QRFPR: variants seen among roughly 807,000 people sequenced by gnomAD.
QRFPR encodes pyroglutamylated RF-amide peptide receptor.
A neutral mutation model predicts 31.3 loss-of-function variants in QRFPR; 37 were observed. The observed-to-expected ratio is 1.18, with a 90% confidence interval of 0.91 to 1.56. The LOEUF (loss-of-function observed/expected upper bound fraction) is 1.56, where lower values mean the gene tolerates loss of function less well. Among genes scored for constraint, QRFPR ranks in the 40% most tolerant of loss-of-function variants. QRFPR has a pLI of 0.00. For synonymous variants in QRFPR, 197 were observed against 192.0 expected, an observed-to-expected ratio of 1.03 and a Z score of -0.22; for missense variants, 542 against 532.5, an observed-to-expected ratio of 1.02 and a Z score of -0.18.
At chr4:121,354,259 T>C (rs904860594) in intron 1 of QRFPR, among the ~76,000 whole-genome samples, 2 of 152,078 alleles carry the variant, frequency 1.3e-5, no homozygotes, top group African/African-American at 4.8e-5. Context: ...GCCATTGATA[T>C]TGTGAGAAGG....
rs58311512 is a variant in QRFPR, at chr4:121,340,108, C to CAAAAAA, written c.499+338_499+343dup. 319 of 131,722 alleles carry CAAAAAA rather than the reference C, an allele frequency of 2.4e-3. 8 individuals are homozygous for CAAAAAA. The highest frequency in any genetic ancestry group is 2.8e-3 in the Non-Finnish European group (205 of 73,790). The allele number at this position is 131,722 out of a possible 1,614,324, so 8.2% of individuals were successfully genotyped here. ...GGGCAATGTAGTTGACACTCTGTCTCAAAAAAAAAAAAAAAAAAAAAAAAG... is the reference window on the plus strand; with the variant it reads ...GGGCAATGTAGTTGACACTCTGTCTCAAAAAAAAAAAAAAAAAAAAAAAAAAAAAAG... On this transcript the variant is annotated intron_variant, in intron 2 of 5. Transcript: ENST00000394427.
At chr4:121,339,932 G>A (rs892653516) in intron 2 of QRFPR, among the ~76,000 whole-genome samples, 1 of 151,744 alleles carries the variant, frequency 6.6e-6, no homozygotes, top group African/African-American at 2.4e-5. Context: ...TCCAGCCTGG[G>A]CTACAGAATG....
chr4:121,359,219 T>C (rs761044813), intron 1 of QRFPR, among the ~76,000 whole-genome samples: 9 of 152,180 alleles, frequency 5.9e-5, no homozygotes, highest in Non-Finnish European at 1.3e-4. Context: ...TCTCTACCTA[T>C]ACATATGTTT....
chr4:121,349,435 G>A (rs1236325646), intron 1 of QRFPR, among the ~76,000 whole-genome samples: 1 of 152,098 alleles, frequency 6.6e-6, no homozygotes, highest in Non-Finnish European at 1.5e-5. Context: ...CCACATTATG[G>A]AGATGTTCTT....
At chr4:121,337,173 A>G (rs1239710643) in intron 2 of QRFPR, among the ~76,000 whole-genome samples, 1 of 151,778 alleles carries the variant, frequency 6.6e-6, no homozygotes. Flanking sequence ...CTCCTCTTTC[A>G]TTTCTGTCCA....
At chr4:121,357,556 C>T (rs1472685744) in intron 1 of QRFPR, among the ~76,000 whole-genome samples, 1 of 152,162 alleles carries the variant, frequency 6.6e-6, no homozygotes, top group African/African-American at 2.4e-5. Flanking sequence ...ACTCCCTTCC[C>T]CTACACTGGG....
intron 1 of QRFPR, among the ~76,000 whole-genome samples, chr4:121,344,371 C>A (rs960486093): frequency 6.6e-6 from 1 of 152,188 alleles, no homozygotes; most frequent in Non-Finnish European, 1.5e-5. Flanking sequence ...TGTTTAATAA[C>A]CCACCTGTGA....
chr4:121,365,297 C>CA (rs1216590425), intron 1 of QRFPR, among the ~76,000 whole-genome samples: 1 of 141,580 alleles, frequency 7.1e-6, no homozygotes, highest in African/African-American at 2.7e-5. Context: ...GCTAAAAATA[C>CA]AAAAAAATTG....
chr4:121,367,144 G>A (rs1396387436), intron 1 of QRFPR, among the ~76,000 whole-genome samples: 1 of 150,004 alleles, frequency 6.7e-6, no homozygotes, highest in Admixed American at 6.6e-5. Context: ...GGGATAGGGA[G>A]TCAGGCACAC....
At chr4:121,369,060 A>G (rs995168022) in intron 1 of QRFPR, among the ~76,000 whole-genome samples, 18 of 152,090 alleles carry the variant, frequency 1.2e-4, no homozygotes, top group African/African-American at 4.3e-4. Flanking sequence ...ACGGAGTCTC[A>G]CTCTGTCGCC....
intron 1 of QRFPR, among the ~76,000 whole-genome samples, chr4:121,377,529 C>A (rs1339809630): frequency 6.6e-6 from 1 of 151,836 alleles, no homozygotes; most frequent in African/African-American, 2.4e-5. Context: ...AACACACCAT[C>A]TTCTTTCTTC....
chr4:121,367,147 A>G (rs1306921761), intron 1 of QRFPR, among the ~76,000 whole-genome samples: 1 of 150,040 alleles, frequency 6.7e-6, no homozygotes, highest in East Asian at 2.0e-4. Context: ...ATAGGGAGTC[A>G]GGCACACAGG....
At chr4:121,330,573 T>C in intron 4 of QRFPR, 50 bp from the exon 5 acceptor site, 2 of 1,378,178 alleles carry the variant, frequency 1.5e-6, no homozygotes, top group Non-Finnish European at 2.1e-6. Flanking sequence ...TTGGCAAATG[T>C]GCCAGCTTGA....
intron 1 of QRFPR, chr4:121,369,438 CA>C: frequency 1.2e-6 from 1 of 866,492 alleles, no homozygotes; most frequent in Admixed American, 2.3e-5. Context: ...CTCTAGAAGC[CA>C]GTGGGTGTGA....
chr4:121,362,106 C>T (rs768746180), intron 1 of QRFPR, among the ~76,000 whole-genome samples: 8 of 150,048 alleles, frequency 5.3e-5, no homozygotes, highest in Non-Finnish European at 1.0e-4. Flanking sequence ...CATGCAGAGC[C>T]CACACAGCTC....
At chr4:121,366,226 G>A (rs575214632) in intron 1 of QRFPR, among the ~76,000 whole-genome samples, 1 of 149,856 alleles carries the variant, frequency 6.7e-6, no homozygotes, top group African/African-American at 2.5e-5. Flanking sequence ...CCTGGCACCA[G>A]TATTTCCAGT....
rs535593070 is a variant in QRFPR, at chr4:121,333,198, A to T, written c.562-142T>A. ...CGTATTTCAAATGAGATACATTTTT[A>T]ATTGTTCTTTTGTTGTGAAGCATAG... On this transcript the variant is annotated intron_variant, in intron 3 of 5. Transcript: ENST00000394427. 378 of 604,908 alleles carry T rather than the reference A, an allele frequency of 6.2e-4. 2 individuals carry two copies. In the East Asian group the frequency reaches 7.4e-3, roughly 12 times the overall value. 37.5% of individuals were successfully genotyped at this position (604,908 alleles called of 1,614,324 possible). A position where few individuals can be genotyped will look rare whatever the true frequency, so the allele number is the denominator to read the frequency against.
At chr4:121,356,319 C>T (rs1254537517) in intron 1 of QRFPR, among the ~76,000 whole-genome samples, 1 of 152,154 alleles carries the variant, frequency 6.6e-6, no homozygotes, top group African/African-American at 2.4e-5. Context: ...AATTCCTTCT[C>T]TGTGTTATCT....
chr4:121,343,622 G>T (rs1725587447), intron 1 of QRFPR, among the ~76,000 whole-genome samples: 1 of 151,818 alleles, frequency 6.6e-6, no homozygotes, highest in Non-Finnish European at 1.5e-5. Context: ...AATGAATATG[G>T]GTATAAATTA....
Sources: gnomAD v4.1 joint callset for allele counts (sites outside exome capture counted in the v4.1 genomes callset) on GRCh38, gnomAD v4.1.1 for gene constraint, MANE v1.5 for transcripts, NCBI Gene and HGNC (gene_info 2026-07-23, HGNC 2026-07-21) for gene names.